The following NRXN3 variants were observed in gnomAD, a reference collection of about 807,000 sequenced individuals.
The protein encoded by NRXN3 is neurexin 3.
In NRXN3, 32 loss-of-function variants were observed where a neutral mutation model predicts 137.6. The observed-to-expected ratio is 0.23, with a 90% CI of 0.18 to 0.31. The LOEUF (loss-of-function observed/expected upper bound fraction) is 0.31. Among genes scored for constraint, NRXN3 ranks in the 10% least tolerant of loss-of-function variants. NRXN3 has a pLI of 1.00. For missense variants in NRXN3, 1,574 were observed against 2,062.5 expected, an observed-to-expected ratio of 0.76 and a Z score of 4.59; for synonymous variants, 798 against 784.5, an observed-to-expected ratio of 1.02 and a Z score of -0.29.
Position 79,564,565 on chromosome 14 carries a change from G to C in NRXN3, c.3444+97163G>C, listed in dbSNP as rs573983602. On this transcript the variant is annotated intron_variant, in intron 16 of 20. Transcript: ENST00000335750. ...ACTTTATCTGGACCTGTGGTTTCTG[G>C]ATGGTTAAGCGGCTTGTACTCACAA... 3.7e-4 allele frequency among the ~76,000 whole-genome samples: 57 copies of C among 152,228 alleles called. 1 individual carries two copies. The South Asian group carries it at 0.012, about 32-fold the overall frequency.
intron 15 of NRXN3, among the ~76,000 whole-genome samples, chr14:79,053,269 T>A (rs1396374275): frequency 1.3e-5 from 2 of 152,224 alleles, no homozygotes; most frequent in Admixed American, 1.3e-4. Context: ...GTATGTTAAC[T>A]CATTTAATTC....
intron 4 of NRXN3, among the ~76,000 whole-genome samples, chr14:78,566,852 G>A (rs2096841118): frequency 6.6e-6 from 1 of 152,160 alleles, no homozygotes; most frequent in African/African-American, 2.4e-5. Context: ...TGTGTGATTT[G>A]GCCCAGAGGA....
chr14:79,101,866 CAAAAG>C (rs2051365017), intron 15 of NRXN3, among the ~76,000 whole-genome samples: 1 of 151,898 alleles, frequency 6.6e-6, no homozygotes, highest in African/African-American at 2.4e-5. Context: ...CTGGTGTTCT[CAAAAG>C]AAAAGAAGGT....
At chr14:78,216,054 T>G (rs1489265035) in intron 1 of NRXN3, among the ~76,000 whole-genome samples, 1 of 152,232 alleles carries the variant, frequency 6.6e-6, no homozygotes, top group Non-Finnish European at 1.5e-5. Context: ...TTAGGGAGCA[T>G]GGTATAAAAA....
At chr14:79,196,334 G>T (rs1271929141) in intron 15 of NRXN3, among the ~76,000 whole-genome samples, 3 of 152,158 alleles carry the variant, frequency 2.0e-5, no homozygotes, top group African/African-American at 4.8e-5. Flanking sequence ...GGAAGTCTTA[G>T]TGCATGAAAC....
chr14:79,716,396 A>T (rs1234595519), intron 19 of NRXN3, among the ~76,000 whole-genome samples: 1 of 152,236 alleles, frequency 6.6e-6, no homozygotes, highest in Non-Finnish European at 1.5e-5. Context: ...ATGTCATGGA[A>T]CCTATCATAT....
intron 10 of NRXN3, among the ~76,000 whole-genome samples, chr14:78,853,954 G>A (rs1453766864): frequency 6.6e-6 from 1 of 152,190 alleles, no homozygotes; most frequent in African/African-American, 2.4e-5. Context: ...AAGCCTAAGA[G>A]TATAATTTCA....
At chr14:78,730,867 T>C (rs1202967560) in intron 8 of NRXN3, among the ~76,000 whole-genome samples, 1 of 152,214 alleles carries the variant, frequency 6.6e-6, no homozygotes, top group Non-Finnish European at 1.5e-5. Flanking sequence ...CTGTCTAACA[T>C]TGGGTTTGCC....
chr14:79,669,727 G>A (rs964124257), intron 17 of NRXN3, among the ~76,000 whole-genome samples: 34 of 152,112 alleles, frequency 2.2e-4, no homozygotes, highest in African/African-American at 7.9e-4. Context: ...GTGGTCCATG[G>A]ATCAGCAGCA....
intron 6 of NRXN3, among the ~76,000 whole-genome samples, chr14:78,669,110 A>C (rs960925791): frequency 1.3e-5 from 2 of 152,194 alleles, no homozygotes; most frequent in African/African-American, 2.4e-5. Flanking sequence ...AAAGAACATG[A>C]ACAAAAGTTA....
chr14:79,096,884 A>T (rs2050449440), intron 15 of NRXN3, among the ~76,000 whole-genome samples: 1 of 152,182 alleles, frequency 6.6e-6, no homozygotes, highest in African/African-American at 2.4e-5. Context: ...TGCCACTGAC[A>T]AATCTAGTTC....
intron 6 of NRXN3, among the ~76,000 whole-genome samples, chr14:78,667,190 C>T (rs1239060700): frequency 2.6e-5 from 4 of 152,104 alleles, no homozygotes; most frequent in Non-Finnish European, 5.9e-5. Context: ...AGGAGGTAGA[C>T]TTCCAGGTTG....
At chr14:79,337,703 C>G (rs2092354614) in intron 15 of NRXN3, among the ~76,000 whole-genome samples, 1 of 152,138 alleles carries the variant, frequency 6.6e-6, no homozygotes, top group Admixed American at 6.6e-5. Flanking sequence ...GCTGCCAATT[C>G]CTCACATGAT....
intron 15 of NRXN3, among the ~76,000 whole-genome samples, chr14:79,041,187 C>G (rs1252624792): frequency 2.0e-5 from 3 of 152,148 alleles, no homozygotes; most frequent in Non-Finnish European, 4.4e-5. Flanking sequence ...CAATACTTGG[C>G]ACATTATTGT....
intron 4 of NRXN3, among the ~76,000 whole-genome samples, chr14:78,348,082 G>A (rs553557891): frequency 3.7e-4 from 57 of 152,064 alleles, no homozygotes; most frequent in Middle Eastern, 3.2e-3. Context: ...AAAACGTGTC[G>A]GAAGTCAGTT....
chr14:79,183,369 A>G (rs1173668459), intron 15 of NRXN3, among the ~76,000 whole-genome samples: 1 of 152,142 alleles, frequency 6.6e-6, no homozygotes, highest in Non-Finnish European at 1.5e-5. Context: ...TAATTAGCTC[A>G]GTGGATTTTT....
intron 15 of NRXN3, among the ~76,000 whole-genome samples, chr14:79,315,909 C>T (rs954216973): frequency 5.3e-5 from 8 of 152,104 alleles, no homozygotes; most frequent in East Asian, 1.9e-4. Context: ...GAAAGCAGAG[C>T]GAGATATGGC....
chr14:78,253,324 C>T (rs963381929), intron 2 of NRXN3, among the ~76,000 whole-genome samples: 1 of 152,178 alleles, frequency 6.6e-6, no homozygotes, highest in East Asian at 1.9e-4. Flanking sequence ...TAATGTATTA[C>T]TTTCTAGCTG....
intron 15 of NRXN3, among the ~76,000 whole-genome samples, chr14:79,018,175 G>T (rs1378251737): frequency 2.1e-5 from 3 of 142,610 alleles, no homozygotes; most frequent in Non-Finnish European, 4.5e-5. Flanking sequence ...CAGAACAGTT[G>T]CTTGAACCTG....
Sources: gnomAD v4.1 joint callset for allele counts (sites outside exome capture counted in the v4.1 genomes callset) on GRCh38, gnomAD v4.1.1 for gene constraint, MANE v1.5 for transcripts, NCBI Gene and HGNC (gene_info 2026-07-23, HGNC 2026-07-21) for gene names.